The following EEF2K variants were observed in gnomAD, a reference collection of about 807,000 sequenced individuals.
EEF2K encodes the protein alternative protein EEF2K.
In EEF2K, 70 loss-of-function variants were observed where a neutral mutation model predicts 93.8. That is an observed-to-expected ratio of 0.75 (90% CI 0.62 to 0.91). The LOEUF is 0.91. Ranked by LOEUF, EEF2K falls within the 40% of genes least tolerant of loss-of-function variation. The probability of loss-of-function intolerance (pLI) is 0.00; values close to 1 mark genes in which losing one functional copy is unlikely to be tolerated. For synonymous variants in EEF2K, 376 were observed against 380.8 expected, an observed-to-expected ratio of 0.99 and a Z score of 0.15; for missense variants, 935 against 972.9, an observed-to-expected ratio of 0.96 and a Z score of 0.52.
Position 22,225,934 on chromosome 16 carries a change from T to C in EEF2K, c.205T>C (p.Tyr69His). The C allele has an allele frequency of 6.2e-7, 1 of 1,614,130 alleles. No homozygotes were observed. Among genetic ancestry groups the C allele is most frequent in the South Asian group, 1.1e-5 (1 of 91,078 alleles). ...CAGCAACCTAACAAAAAGTGAGCGG[T>C]ATAGCTCCAGCGGGTCCCCGGCAAA... Reference protein sequence around the residue: ...YYSNLTKSERYSSSGSPANSF... With the variant: ...YYSNLTKSERHSSSGSPANSF... The change falls in exon 2 of 18, where the codon TAT becomes CAT. Residue 69 changes from tyrosine (Y) to histidine (H), a missense_variant. Tyr to His is a moderately conservative substitution (Grantham distance 83, BLOSUM62 2). Transcript: ENST00000263026.
intron 12 of EEF2K, among the ~76,000 whole-genome samples, chr16:22,263,659 T>TA (rs1397830028): frequency 1.3e-5 from 2 of 152,106 alleles, no homozygotes; most frequent in Non-Finnish European, 2.9e-5. Flanking sequence ...GCAAAGAAGA[T>TA]AAAACAGGAT....
chr16:22,279,918 C>T (rs2047676016), intron 16 of EEF2K, among the ~76,000 whole-genome samples: 1 of 152,188 alleles, frequency 6.6e-6, no homozygotes, highest in Non-Finnish European at 1.5e-5. Flanking sequence ...ATTGCTTGAA[C>T]TTGAGAGGCG....
In EEF2K at chr16:22,273,742, C is replaced by T. The variant is rs1437678963; in HGVS notation, c.1881C>T (p.Ser627=). Residue 627 remains serine (S), a synonymous_variant, in exon 16 of 18, where the codon AGC becomes AGT. Coordinates refer to ENST00000263026, the MANE Select transcript of EEF2K (RefSeq NM_013302.5). The part of the protein sequence containing the change: ...ARAFDSGQNL[S]PDRCQDWLEA... ...CTTTTGACTCTGGCCAGAACCTCAG[C>T]CCGGACAGGTACTGCAGCTGTCACC... 1 of 1,613,654 alleles carries T rather than the reference C, an allele frequency of 6.2e-7. No individual in the cohort carries two copies. The highest frequency in any genetic ancestry group is 1.1e-5 in the South Asian group (1 of 91,052).
intron 1 of EEF2K, among the ~76,000 whole-genome samples, chr16:22,222,461 G>A (rs1451551482): frequency 1.3e-5 from 2 of 151,676 alleles, no homozygotes; most frequent in Admixed American, 6.6e-5. Context: ...CTCCCACCTC[G>A]GCCTCCCAAA....
chr16:22,230,021 G>A (rs1247825097), intron 2 of EEF2K, among the ~76,000 whole-genome samples: 1 of 152,148 alleles, frequency 6.6e-6, no homozygotes, highest in Non-Finnish European at 1.5e-5. Context: ...AGCCCCGTGG[G>A]TCTCCTCTGG....
chr16:22,258,003 T>C (rs2047424136), intron 9 of EEF2K, among the ~76,000 whole-genome samples: 1 of 152,162 alleles, frequency 6.6e-6, no homozygotes, highest in African/African-American at 2.4e-5. Flanking sequence ...GTTGGGCCCA[T>C]TTTTTACCAG....
intron 10 of EEF2K, 102 bp from the exon 11 acceptor site, chr16:22,260,360 A>G (rs1263561975): frequency 8.7e-7 from 1 of 1,153,714 alleles, no homozygotes; most frequent in East Asian, 2.4e-5. Flanking sequence ...TAAAAAAAAA[A>G]AAAGGCTTGG....
rs561406058 is a variant in EEF2K at position 22,266,861 on chromosome 16, C to T, written c.1749C>T (p.Ala583=). 17 of 1,610,536 alleles carry T rather than the reference C, an allele frequency of 1.1e-5. No individual in the cohort carries two copies. The highest frequency in any genetic ancestry group is 1.7e-4 in the Middle Eastern group (1 of 6,044). Residue 583 remains alanine (A), a synonymous_variant, in exon 15 of 18, where the codon GCC becomes GCT. Coordinates refer to ENST00000263026, the MANE Select transcript of EEF2K (RefSeq NM_013302.5). ...MYSQLPHHIL[A]DVSLKETEEN... is the part of the protein sequence containing the mutation. ...CGCAGTTGCCTCATCACATCCTAGC[C>T]GATGTCTCTCTGAAGGTGAGCAGGT...
chr16:22,230,578 G>A (rs11646133), intron 2 of EEF2K, among the ~76,000 whole-genome samples: 42,948 of 151,884 alleles, frequency 0.28, 7,077 homozygotes, highest in East Asian at 0.56. Flanking sequence ...CTGGAGTGCA[G>A]TGACATGATC....
intron 2 of EEF2K, among the ~76,000 whole-genome samples, chr16:22,233,460 C>T (rs1052934405): frequency 2.0e-5 from 3 of 151,640 alleles, no homozygotes; most frequent in Admixed American, 6.6e-5. Flanking sequence ...AGGTAGATCA[C>T]TTGAGGTCAG....
chr16:22,250,918 G>A (rs1011665170), intron 5 of EEF2K, among the ~76,000 whole-genome samples: 6 of 152,172 alleles, frequency 3.9e-5, no homozygotes, highest in African/African-American at 1.4e-4. Context: ...CCCTGGTGTT[G>A]GGAGGTCAAG....
In EEF2K at chr16:22,283,958, C is replaced by A; in HGVS notation, c.2140C>A (p.Gln714Lys). ...GGGCCGACTGGCCAACCAGTACTAC[C>A]AAAAGGCTGAAGAGGCCTGGGCCCA... ...MKGRLANQYY[Q>K]KAEEAWAQME... The change falls in exon 18 of 18, where the codon CAA becomes AAA. Residue 714 changes from glutamine to lysine, a missense_variant. Coordinates refer to ENST00000263026, the MANE Select transcript of EEF2K (RefSeq NM_013302.5). The A allele has an allele frequency of 6.3e-7, 1 of 1,593,050 alleles. No individual in the cohort carries two copies. The highest frequency in any genetic ancestry group is 8.5e-7 in the Non-Finnish European group (1 of 1,169,822).
At chr16:22,237,976 C>A (rs1276279103) in intron 2 of EEF2K, among the ~76,000 whole-genome samples, 1 of 151,906 alleles carries the variant, frequency 6.6e-6, no homozygotes, top group Admixed American at 6.6e-5. Flanking sequence ...TGCTTTTTTC[C>A]CCCCTAAACA....
In EEF2K at chr16:22,228,265, A is replaced by G. The variant is rs947311581; in HGVS notation, c.246+2290A>G. On this transcript the variant is annotated intron_variant, in intron 2 of 17. Coordinates refer to ENST00000263026, the MANE Select transcript of EEF2K (RefSeq NM_013302.5). The stretch of plus-strand genomic sequence containing the variant: ...TAATTTGTCACTGATTATGAGAATT[A>G]ATATATTTTTTAAAACCTTTCCACA... Among the ~76,000 whole-genome samples the G allele has an allele frequency of 2.0e-5, 3 of 152,150 alleles. No individual in the cohort carries two copies. In the East Asian group the frequency reaches 5.8e-4, roughly 29 times the overall value.
At chr16:22,224,781 C>T (rs1386529830) in intron 1 of EEF2K, among the ~76,000 whole-genome samples, 1 of 152,076 alleles carries the variant, frequency 6.6e-6, no homozygotes, top group Admixed American at 6.6e-5. Flanking sequence ...GGTGAAATGC[C>T]ATCTCTACTA....
intron 1 of EEF2K, among the ~76,000 whole-genome samples, chr16:22,209,692 G>A (rs1037833328): frequency 6.6e-6 from 1 of 152,238 alleles, no homozygotes; most frequent in African/African-American, 2.4e-5. Flanking sequence ...TGGTTAGAGC[G>A]ATGACCTTGT....
intron 15 of EEF2K, among the ~76,000 whole-genome samples, chr16:22,267,147 C>T (rs2047532566): frequency 6.6e-6 from 1 of 152,092 alleles, no homozygotes; most frequent in South Asian, 2.1e-4. Flanking sequence ...AAGCAGAAGA[C>T]ACCAGTGGAA....
intron 6 of EEF2K, among the ~76,000 whole-genome samples, chr16:22,252,324 C>G (rs556273054): frequency 6.6e-6 from 1 of 152,344 alleles, no homozygotes; most frequent in Non-Finnish European, 1.5e-5. Flanking sequence ...CCATCTCTGG[C>G]CTGGGTGTTC....
chr16:22,270,024 C>T (rs938817733), intron 15 of EEF2K, among the ~76,000 whole-genome samples: 5 of 151,282 alleles, frequency 3.3e-5, no homozygotes, highest in Non-Finnish European at 7.4e-5. Context: ...ATGGTACAAT[C>T]TCAGCTCACT....
Sources: allele counts gnomAD v4.1 joint callset (sites outside exome capture counted in the v4.1 genomes callset), GRCh38; gene constraint gnomAD v4.1.1; transcripts MANE v1.5; gene names NCBI Gene and HGNC (gene_info 2026-07-23, HGNC 2026-07-21).